Variants in RFT1 observed in about 807,000 individuals in gnomAD.
RFT1 encodes man(5)GlcNAc(2)-PP-dolichol translocation protein RFT1.
A neutral mutation model predicts 62.2 loss-of-function variants in RFT1; 43 were observed. The observed-to-expected ratio is 0.69, with a 90% CI of 0.54 to 0.89. The LOEUF is 0.89. RFT1 is among the 40% of genes least tolerant of loss of function. The pLI is 0.00. For synonymous variants in RFT1, 262 were observed against 264.6 expected (o/e 0.99, Z 0.10); for missense variants, 605 against 649.9 (o/e 0.93, Z 0.75).
the RFT1 span, among the ~76,000 whole-genome samples, chr3:53,075,691 G>A: frequency 6.6e-6 from 1 of 152,110 alleles, no homozygotes; most frequent in Non-Finnish European, 1.5e-5. Flanking sequence ...CTGGCCAGGG[G>A]CCCCCAGCAT....
intron 2 of RFT1, among the ~76,000 whole-genome samples, chr3:53,124,739 AG>A (rs1440123913): frequency 4.6e-5 from 7 of 152,212 alleles, no homozygotes; most frequent in Non-Finnish European, 8.8e-5. Context: ...TGGGAGACTA[AG>A]ATGGGAGGAT....
In RFT1 at chr3:53,104,023, A is replaced by T. The variant is rs1395152517; in HGVS notation, c.1032T>A (p.Thr344=). Residue 344 remains threonine, a synonymous_variant, in exon 10 of 13, where the codon ACT becomes ACA. Transcript: ENST00000296292. ...GCTGAGAATAGGCAAAGCCAAAAAC[A>T]GTGATGGTCAGGCCGGCCAGCAGGG... is the stretch of plus-strand genomic sequence containing the variant. ...KLALLAGLTI[T]VFGFAYSQLA... is the part of the protein sequence containing the mutation. 3 of 1,614,234 alleles carry T rather than the reference A, an allele frequency of 1.9e-6. No individual in the cohort carries two copies. In the Admixed American group the frequency reaches 5.0e-5, roughly 27 times the overall value.
At position 53,105,737 on chromosome 3, in the gene RFT1, T is replaced by C. The variant is rs1197232581; in HGVS notation, c.893A>G (p.Glu298Gly). Reference protein sequence around the residue: ...VARLIFQPIEESFYIFFAKVL... With the variant: ...VARLIFQPIEGSFYIFFAKVL... ...CTTAGCAAAAAATATATAAAAACTT[T>C]CCTCTATTGGCTGGAAAATTAATCT... is the stretch of plus-strand genomic sequence containing the variant. The change falls in exon 9 of 13, where the codon GAA becomes GGA. Residue 298 changes from glutamate to glycine, a missense_variant. By Grantham distance (98) the Glu-to-Gly change is moderately conservative. Transcript: ENST00000296292. The C allele has an allele frequency of 6.2e-7, 1 of 1,613,732 alleles. No homozygotes were observed. Among genetic ancestry groups the C allele is most frequent in the African/African-American group, 1.3e-5 (1 of 74,862 alleles).
At chr3:53,119,772 A>G in intron 6 of RFT1, 112 bp downstream of exon 6, 1 of 1,033,868 alleles carries the variant, frequency 9.7e-7, no homozygotes, top group South Asian at 1.5e-5. Context: ...CATAAATATG[A>G]GCTATAAAAT....
chr3:53,073,298 C>CT, the RFT1 span, among the ~76,000 whole-genome samples: 1 of 152,362 alleles, frequency 6.6e-6, no homozygotes, highest in Non-Finnish European at 1.5e-5. Context: ...GCACCAGCAT[C>CT]TGTGGGTGAG....
the RFT1 span, among the ~76,000 whole-genome samples, chr3:53,082,705 T>C: frequency 6.6e-6 from 1 of 151,606 alleles, no homozygotes; most frequent in Non-Finnish European, 1.5e-5. Context: ...CTGTAAAATG[T>C]GTCTCCCCAC....
At chr3:53,081,609 GC>G in the RFT1 span, among the ~76,000 whole-genome samples, 1 of 152,328 alleles carries the variant, frequency 6.6e-6, no homozygotes, top group African/African-American at 2.4e-5. Context: ...AAGATCTCCT[GC>G]CCATGGTTCC....
chr3:53,106,911 C>A, intron 7 of RFT1, 42 bp from the exon 8 acceptor site: 1 of 1,448,126 alleles, frequency 6.9e-7, no homozygotes, highest in East Asian at 2.3e-5. Flanking sequence ...GTCAAATGCA[C>A]ATTACTTTAT....
Position 53,096,929 on chromosome 3 carries a change from G to A in RFT1, c.1208+2452C>T, listed in dbSNP as rs541071475. Among the ~76,000 whole-genome samples the A allele has an allele frequency of 3.3e-5, 5 of 152,098 alleles. No homozygotes were observed. The South Asian group carries it at 1.0e-3, about 32-fold the overall frequency. On this transcript the variant is annotated intron_variant, in intron 11 of 12. Coordinates refer to ENST00000296292, the MANE Select transcript of RFT1 (RefSeq NM_052859.4). ...CCAGCTAATTTTTGTATTTTTAGTA[G>A]AGACAGGGTTTCACCATGTTGGCCA...
chr3:53,122,359 A>G lies in RFT1; in HGVS notation c.456+15T>C, dbSNP rs775373623. 1 of 1,612,062 alleles carries G rather than the reference A, an allele frequency of 6.2e-7. No individual in the cohort carries two copies. Among genetic ancestry groups the G allele is most frequent in the Non-Finnish European group, 8.5e-7 (1 of 1,178,134 alleles). ...ATTCTTCCCATTTCCCATTCACAGC[A>G]GAAGGTGCACTGACCTTGAGCTTCA... On this transcript the variant is annotated intron_variant, in intron 4 of 12. Coordinates refer to ENST00000296292, the MANE Select transcript of RFT1 (RefSeq NM_052859.4).
rs1308083571 is a variant in RFT1, at chr3:53,111,850, A to G, written c.755T>C (p.Leu252Ser). ...LTWSFFKQSFLKQILTEGERY... is the reference protein window; with the variant it reads ...LTWSFFKQSFSKQILTEGERY... ...CTTACCTTCTGTCAAAATCTGTTTC[A>G]AGAAAGACTGTTTGAAAAAACTCCA... Residue 252 changes from leucine (L) to serine (S), a missense_variant, in exon 7 of 13, where the codon TTG (leucine) becomes TCG (serine). Coordinates refer to ENST00000296292, the MANE Select transcript of RFT1 (RefSeq NM_052859.4). The G allele has an allele frequency of 6.2e-7, 1 of 1,613,960 alleles. No individual in the cohort carries two copies. Among genetic ancestry groups the G allele is most frequent in the Non-Finnish European group, 8.5e-7 (1 of 1,179,918 alleles).
At chr3:53,114,033 T>C (rs1040331485) in intron 6 of RFT1, among the ~76,000 whole-genome samples, 2 of 152,140 alleles carry the variant, frequency 1.3e-5, no homozygotes, top group African/African-American at 4.8e-5. Context: ...GAGAAGGAAA[T>C]TGGGCCACAA....
At chr3:53,094,497 G>A (rs974731005) in intron 11 of RFT1, among the ~76,000 whole-genome samples, 2 of 151,990 alleles carry the variant, frequency 1.3e-5, no homozygotes, top group African/African-American at 4.8e-5. Context: ...AATGAAGTAC[G>A]AGAGCCTGTA....
chr3:53,103,637 C>G (rs888834665), intron 10 of RFT1: 15 of 389,518 alleles, frequency 3.9e-5, no homozygotes, highest in Non-Finnish European at 9.8e-6. Context: ...TCCTCCCTCA[C>G]CCCAGAGGGA....
At chr3:53,077,716 G>A in the RFT1 span, 1 of 152,296 alleles carries the variant, frequency 6.6e-6, no homozygotes, top group South Asian at 2.1e-4. Flanking sequence ...CCCAGCGGCT[G>A]AGCTTGTCTG....
chr3:53,085,162 G>A (rs995442962), downstream of RFT1, among the ~76,000 whole-genome samples: 1 of 152,222 alleles, frequency 6.6e-6, no homozygotes, highest in Non-Finnish European at 1.5e-5. Flanking sequence ...CAGTAGCCAT[G>A]TCTGGGTCCT....
At position 53,091,023 on chromosome 3, in the gene RFT1, G is replaced by C. The variant is rs557106378; in HGVS notation, c.*880C>G. Reference sequence around the variant, plus strand: ...CTTGTCTTATTCTGAGGATAAAAAAGTACATCTGTTAAACCTTATCTGTCA... The same window carrying C: ...CTTGTCTTATTCTGAGGATAAAAAACTACATCTGTTAAACCTTATCTGTCA... On this transcript the variant is annotated 3_prime_UTR_variant, in exon 13 of 13. Coordinates refer to ENST00000296292, the MANE Select transcript of RFT1 (RefSeq NM_052859.4). 1.9e-4 allele frequency: 29 copies of C among 152,378 alleles called. No individual in the cohort carries two copies. Among genetic ancestry groups the C allele is most frequent in the African/African-American group, 6.5e-4 (27 of 41,586 alleles). 9.4% of individuals were successfully genotyped at this position (152,378 alleles called of 1,614,324 possible). A position where few individuals can be genotyped will look rare whatever the true frequency, so the allele number is the denominator to read the frequency against.
At chr3:53,129,891 A>C (rs1702212637) in intron 1 of RFT1, among the ~76,000 whole-genome samples, 1 of 152,206 alleles carries the variant, frequency 6.6e-6, no homozygotes, top group African/African-American at 2.4e-5. Flanking sequence ...GTCACGGAGC[A>C]ATCCAAGCCT....
chr3:53,124,888 C>A (rs1394749439), intron 2 of RFT1, among the ~76,000 whole-genome samples: 1 of 152,082 alleles, frequency 6.6e-6, no homozygotes, highest in Non-Finnish European at 1.5e-5. Context: ...GGGAGCATCG[C>A]TTGAGCCCAA....
Sources: gnomAD v4.1 joint callset for allele counts (sites outside exome capture counted in the v4.1 genomes callset) on GRCh38, gnomAD v4.1.1 for gene constraint, MANE v1.5 for transcripts, NCBI Gene and HGNC (gene_info 2026-07-23, HGNC 2026-07-21) for gene names.